ABCC8: variants seen among roughly 807,000 people sequenced by gnomAD.
ABCC8 encodes ATP-binding cassette sub-family C member 8.
Under a neutral mutation model 188.0 loss-of-function variants are expected in ABCC8, and 137 were observed. The observed-to-expected ratio is 0.73, with a 90% CI of 0.63 to 0.84. ABCC8 has a LOEUF of 0.84. Ranked by LOEUF, ABCC8 falls within the 40% of genes least tolerant of loss-of-function variation. The pLI is 0.00. For synonymous variants in ABCC8, 797 were observed against 846.5 expected (o/e 0.94, Z 1.01); for missense variants, 1,750 against 2,072.7 (o/e 0.84, Z 3.02).
At chr11:17,416,519 C>T (rs1955081730) in intron 17 of ABCC8, among the ~76,000 whole-genome samples, 1 of 152,148 alleles carries the variant, frequency 6.6e-6, no homozygotes, top group Non-Finnish European at 1.5e-5. Context: ...AAAGTACGTT[C>T]ACCAGGTTGT....
intron 6 of ABCC8, among the ~76,000 whole-genome samples, chr11:17,455,387 G>A (rs1028599200): frequency 1.3e-5 from 2 of 152,128 alleles, no homozygotes; most frequent in African/African-American, 4.8e-5. Context: ...AAATATACTC[G>A]TCGGTATTTG....
At chr11:17,456,717 C>T (rs950144336) in intron 6 of ABCC8, among the ~76,000 whole-genome samples, 1 of 152,168 alleles carries the variant, frequency 6.6e-6, no homozygotes, top group Admixed American at 6.5e-5. Flanking sequence ...TAGGTAAGTT[C>T]CTCAACCTCT....
In ABCC8 at chr11:17,395,173, GA is replaced by G; in HGVS notation, c.4409del (p.Leu1470ProfsTer27). 2 of 1,571,342 alleles carry G rather than the reference GA, an allele frequency of 1.3e-6. No homozygotes were observed. Among genetic ancestry groups the G allele is most frequent in the East Asian group, 4.7e-5 (2 of 42,882 alleles). ...AGCTGCATAGCCAGGAGTAGTTACC[GA>G]GGCCTCCTGGCAGTGCCTTCACCAC... ...KLVVKALPGG[L>X]DAIITEGGEN... On this transcript the variant is annotated frameshift_variant and splice_region_variant, in exon 36 of 39. Transcript: ENST00000389817. LOFTEE classifies it high-confidence loss of function.
intron 11 of ABCC8, 24 bp downstream of exon 11, chr11:17,432,180 G>A (rs1955879027): frequency 1.3e-6 from 2 of 1,552,124 alleles, no homozygotes; most frequent in Admixed American, 2.0e-5. Flanking sequence ...CTACCCCCAA[G>A]AGATGGAGAA....
chr11:17,472,799 T>G (rs891732094), intron 2 of ABCC8, among the ~76,000 whole-genome samples: 9 of 152,112 alleles, frequency 5.9e-5, no homozygotes, highest in Non-Finnish European at 1.0e-4. Context: ...ATTCTGGGAA[T>G]ACACAGTCTA....
chr11:17,393,779 G>A lies in ABCC8; in HGVS notation c.4546-20C>T. ...GTTTTCCTGCCAAGTGGGGGCAACA[G>A]CTGTTGGCTCACCTGCCCAGTGGAT... is the stretch of plus-strand genomic sequence containing the variant. On this transcript the variant is annotated intron_variant, in intron 37 of 38. Coordinates refer to ENST00000389817, the MANE Select transcript of ABCC8 (RefSeq NM_000352.6). 1.2e-6 allele frequency: 2 copies of A among 1,614,076 alleles called. No individual in the cohort carries two copies. The highest frequency in any genetic ancestry group is 1.7e-6 in the Non-Finnish European group (2 of 1,179,924).
At chr11:17,408,636 C>T in intron 22 of ABCC8, 119 bp from the exon 23 acceptor site, 2 of 1,465,078 alleles carry the variant, frequency 1.4e-6, no homozygotes, top group Non-Finnish European at 1.8e-6. Context: ...TACAAATGGC[C>T]ACCAGCTCAT....
Position 17,410,666 on chromosome 11 carries a change from G to C in ABCC8, c.2557-13C>G. On this transcript the variant is annotated splice_polypyrimidine_tract_variant and intron_variant, in intron 21 of 38. Coordinates refer to ENST00000389817, the MANE Select transcript of ABCC8 (RefSeq NM_000352.6). Reference sequence around the variant, plus strand: ...AGAAGGGGTCATCCTGGGCAGAAGGGAGAGGAAGAGAGTAGAGGGTAGGGA... The same window carrying C: ...AGAAGGGGTCATCCTGGGCAGAAGGCAGAGGAAGAGAGTAGAGGGTAGGGA... 6.2e-7 allele frequency: 1 copy of C among 1,613,922 alleles called. No homozygotes were observed. Among genetic ancestry groups the C allele is most frequent in the Non-Finnish European group, 8.5e-7 (1 of 1,179,852 alleles).
chr11:17,428,608 T>TG lies in ABCC8; in HGVS notation c.1879dup (p.His627ProfsTer2), dbSNP rs764613146. 6.2e-7 allele frequency: 1 copy of TG among 1,613,998 alleles called. No individual in the cohort carries two copies. The highest frequency in any genetic ancestry group is 1.1e-5 in the South Asian group (1 of 91,080). ...GGCTGGGCCCTGAGGTGTGGGCTCA[T>TG]GGGGGGCACACTGCTCCTCACGGAT... On this transcript the variant is annotated frameshift_variant, in exon 13 of 39. Transcript: ENST00000389817. LOFTEE classifies it high-confidence loss of function.
At chr11:17,394,105 G>C (rs1591704987) in intron 37 of ABCC8, among the ~76,000 whole-genome samples, 161 bp downstream of exon 37, 2 of 152,130 alleles carry the variant, frequency 1.3e-5, no homozygotes, top group East Asian at 3.9e-4. Flanking sequence ...CCTAAGACTA[G>C]ACAGAGTCAG....
At chr11:17,460,401 T>A (rs886291) in intron 6 of ABCC8, 87 bp downstream of exon 6, 1 of 1,596,880 alleles carries the variant, frequency 6.3e-7, no homozygotes, top group Non-Finnish European at 8.5e-7. Context: ...AGTGTGGCCA[T>A]GGCTCACACA....
chr11:17,428,701 C>T (rs1260427759), intron 12 of ABCC8, 31 bp from the exon 13 acceptor site: 1 of 1,608,742 alleles, frequency 6.2e-7, no homozygotes, highest in Non-Finnish European at 8.5e-7. Flanking sequence ...CACCCCTCAC[C>T]CCTGCCAGGG....
At position 17,398,379 on chromosome 11, in the gene ABCC8, A is replaced by G. The variant is rs1255895928; in HGVS notation, c.3713T>C (p.Leu1238Pro). 3 of 1,614,150 alleles carry G rather than the reference A, an allele frequency of 1.9e-6. No individual in the cohort carries two copies. ...EYTDSNNIAS[L>P]FLTAANRWLE... is the part of the protein sequence containing the mutation. ...CCATCTGTTGGCAGCTGTGAGGAAGAGGGAAGCAATGTTGTTGGAGTCTGT... is the reference window on the plus strand; with the variant it reads ...CCATCTGTTGGCAGCTGTGAGGAAGGGGGAAGCAATGTTGTTGGAGTCTGT... Residue 1238 changes from leucine (L) to proline (P), a missense_variant, in exon 30 of 39, where the codon CTC (leucine) becomes CCC (proline). By Grantham distance (98) the Leu-to-Pro change is moderately conservative. Coordinates refer to ENST00000389817, the MANE Select transcript of ABCC8 (RefSeq NM_000352.6).
At chr11:17,432,156 C>T in intron 11 of ABCC8, 48 bp downstream of exon 11, 1 of 1,551,210 alleles carries the variant, frequency 6.4e-7, no homozygotes, top group Non-Finnish European at 8.7e-7. Context: ...CTGCAGACGC[C>T]CTCCCCCTCC....
In ABCC8 at chr11:17,412,732, A is replaced by G. The variant is rs1348144308; in HGVS notation, c.2490T>C (p.Ser830=). ...CACTGATTCGCTGGCGTTGACCACC[A>G]GACAGGTTGATGCCCTGTCACCAAA... ...TQIGERGINL[S]GGQRQRISVA... Residue 830 remains serine (S), a synonymous_variant, in exon 21 of 39, where the codon TCT becomes TCC. Transcript: ENST00000389817. 6.2e-7 allele frequency: 1 copy of G among 1,610,428 alleles called. No homozygotes were observed. Among genetic ancestry groups the G allele is most frequent in the Non-Finnish European group, 8.5e-7 (1 of 1,178,390 alleles).
intron 16 of ABCC8, among the ~76,000 whole-genome samples, chr11:17,423,164 C>T (rs1318185785): frequency 6.6e-6 from 1 of 151,812 alleles, no homozygotes; most frequent in Non-Finnish European, 1.5e-5. Context: ...CGAGATTACC[C>T]TGGCCAACAT....
At chr11:17,440,729 G>T (rs1047827955) in intron 10 of ABCC8, among the ~76,000 whole-genome samples, 3 of 152,256 alleles carry the variant, frequency 2.0e-5, no homozygotes, top group Admixed American at 6.5e-5. Flanking sequence ...CCTGCCTGAG[G>T]CATAGGACAC....
intron 33 of ABCC8, chr11:17,396,652 G>A (rs576779436): frequency 5.5e-4 from 280 of 511,700 alleles, no homozygotes; most frequent in African/African-American, 5.1e-3. Flanking sequence ...GACAAAGCCC[G>A]TGTGAGCTGG....
At chr11:17,400,242 C>T (rs767698143) in intron 29 of ABCC8, among the ~76,000 whole-genome samples, 36 of 152,090 alleles carry the variant, frequency 2.4e-4, no homozygotes, top group Non-Finnish European at 3.4e-4. Context: ...AGGGTGGAGA[C>T]GTGTGGGAGG....
Sources: allele counts gnomAD v4.1 joint callset (sites outside exome capture counted in the v4.1 genomes callset), GRCh38; gene constraint gnomAD v4.1.1; transcripts MANE v1.5; gene names NCBI Gene and HGNC (gene_info 2026-07-23, HGNC 2026-07-21).